Variants in DCAF10 observed in about 807,000 individuals in gnomAD.
DCAF10 encodes the protein DDB1 and CUL4 associated factor 10.
In DCAF10, 19 loss-of-function variants were observed where a neutral mutation model predicts 51.9. The ratio of observed to expected loss-of-function variants is 0.37; its 90% confidence interval spans 0.26 to 0.54. The LOEUF is 0.54. DCAF10 is among the 20% of genes least tolerant of loss of function. DCAF10 has a pLI of 0.87. For missense variants in DCAF10, 510 were observed against 730.6 expected (o/e 0.70, Z 3.48); for synonymous variants, 291 against 297.1 (o/e 0.98, Z 0.21).
chr9:37,849,760 A>T (rs932217180), intron 3 of DCAF10, among the ~76,000 whole-genome samples: 1 of 151,910 alleles, frequency 6.6e-6, no homozygotes, highest in Non-Finnish European at 1.5e-5. Context: ...GGTGCCTGTA[A>T]TCCCAGCTAC....
chr9:37,857,920 G>A (rs1830899753), intron 5 of DCAF10, among the ~76,000 whole-genome samples: 1 of 152,084 alleles, frequency 6.6e-6, no homozygotes, highest in Admixed American at 6.6e-5. Context: ...AATGGTTTCT[G>A]CCTATACAAA....
In DCAF10 at chr9:37,846,398, C is replaced by T. The variant is rs115698996; in HGVS notation, c.851+4112C>T. ...CTTTATGGCAACAAATTAGGCAACA[C>T]AGATGAACAGATAGACACCTAAGGA... On this transcript the variant is annotated intron_variant, in intron 3 of 6. Coordinates refer to ENST00000377724, the MANE Select transcript of DCAF10 (RefSeq NM_024345.5). Among the ~76,000 whole-genome samples the T allele has an allele frequency of 4.9e-3, 744 of 152,248 alleles. 4 individuals are homozygous for T. The highest frequency in any genetic ancestry group is 0.017 in the African/African-American group (706 of 41,544).
At chr9:37,828,459 G>A (rs10973573) in intron 2 of DCAF10, among the ~76,000 whole-genome samples, 27,105 of 149,062 alleles carry the variant, frequency 0.18, 2,652 homozygotes, top group African/African-American at 0.26. Context: ...AAAGAAAAAA[G>A]AAAAGGAAAA....
chr9:37,819,468 T>A, intron 2 of DCAF10, 67 bp downstream of exon 2: 2 of 1,147,748 alleles, frequency 1.7e-6, no homozygotes, highest in South Asian at 1.3e-5. Flanking sequence ...TGGAAGTTAG[T>A]GAAAATGAAA....
chr9:37,808,037 C>A (rs1589074467), intron 1 of DCAF10, among the ~76,000 whole-genome samples: 3 of 152,078 alleles, frequency 2.0e-5, no homozygotes, highest in Admixed American at 2.0e-4. Context: ...TTCAAACACA[C>A]AAGGAACAGT....
At chr9:37,838,315 G>GT (rs1279748135) in intron 2 of DCAF10, among the ~76,000 whole-genome samples, 2 of 151,962 alleles carry the variant, frequency 1.3e-5, no homozygotes, top group African/African-American at 4.8e-5. Flanking sequence ...TTAGGAGAAA[G>GT]TTTTTTTAAA....
chr9:37,862,035 ATGTT>A lies in DCAF10; in HGVS notation c.*529_*532del, dbSNP rs1424981591. ...TACTTGGCCTTTTAAAGTTACTGTT[ATGTT>A]TATCTATATTGAGCACAGATAATGG... is the stretch of plus-strand genomic sequence containing the variant. On this transcript the variant is annotated 3_prime_UTR_variant, in exon 7 of 7. Transcript: ENST00000377724. The A allele has an allele frequency of 6.5e-6, 1 of 154,158 alleles. No homozygotes were observed. The highest frequency in any genetic ancestry group is 2.4e-5 in the African/African-American group (1 of 41,464). 9.5% of individuals were successfully genotyped at this position (154,158 alleles called of 1,614,324 possible). A position where few individuals can be genotyped will look rare whatever the true frequency, so the allele number is the denominator to read the frequency against.
At chr9:37,808,686 AATAT>A (rs1165415414) in intron 1 of DCAF10, among the ~76,000 whole-genome samples, 19 of 104,400 alleles carry the variant, frequency 1.8e-4, no homozygotes, top group African/African-American at 7.6e-4. Context: ...ATAAAATATA[AATAT>A]ATATTTATAT....
At chr9:37,840,683 T>G (rs2118032430) in intron 2 of DCAF10, among the ~76,000 whole-genome samples, 1 of 152,238 alleles carries the variant, frequency 6.6e-6, no homozygotes, top group South Asian at 2.1e-4. Context: ...TTAAATTAAT[T>G]TAGTGTAGCC....
At chr9:37,860,520 A>C (rs911615958) in intron 6 of DCAF10, 5 of 226,438 alleles carry the variant, frequency 2.2e-5, no homozygotes, top group Admixed American at 5.2e-5. Flanking sequence ...AACAAACAAA[A>C]ACCCCTTGTA....
chr9:37,856,911 C>T (rs985177315), intron 4 of DCAF10, among the ~76,000 whole-genome samples: 1 of 152,146 alleles, frequency 6.6e-6, no homozygotes, highest in African/African-American at 2.4e-5. Context: ...TAACATAAAA[C>T]AATAGGCTTA....
intron 1 of DCAF10, among the ~76,000 whole-genome samples, chr9:37,808,919 C>T (rs902875382): frequency 6.8e-6 from 1 of 148,116 alleles, no homozygotes; most frequent in Admixed American, 6.9e-5. Context: ...TCAAGACCAG[C>T]CTGGGCAAGG....
chr9:37,844,673 C>T (rs1830429461), intron 3 of DCAF10, among the ~76,000 whole-genome samples: 1 of 151,670 alleles, frequency 6.6e-6, no homozygotes, highest in Admixed American at 6.6e-5. Flanking sequence ...ACAGCAACAA[C>T]AAAAATAAAT....
At chr9:37,814,083 T>TATATATATATAA (rs1829439331) in intron 1 of DCAF10, among the ~76,000 whole-genome samples, 1 of 34,846 alleles carries the variant, frequency 2.9e-5, no homozygotes, top group Non-Finnish European at 5.4e-5. Flanking sequence ...TTTGTCACTA[T>TATATATATATAA]ATATATATAT....
intron 1 of DCAF10, among the ~76,000 whole-genome samples, 156 bp from the exon 2 acceptor site, chr9:37,819,132 A>C (rs760504657): frequency 1.3e-5 from 2 of 152,196 alleles, no homozygotes; most frequent in Non-Finnish European, 2.9e-5. Flanking sequence ...TACTCTTGCC[A>C]ACCACAGATA....
At chr9:37,819,808 T>C (rs1040777153) in intron 2 of DCAF10, among the ~76,000 whole-genome samples, 1 of 152,200 alleles carries the variant, frequency 6.6e-6, no homozygotes, top group African/African-American at 2.4e-5. Flanking sequence ...AAAAAGTACA[T>C]GCACAGACAA....
rs141786003 is a variant in DCAF10 at position 37,829,108 on chromosome 9, A to G, written c.653+9707A>G. 1.3e-5 allele frequency among the ~76,000 whole-genome samples: 2 copies of G among 152,362 alleles called. No individual in the cohort carries two copies. Among genetic ancestry groups the G allele is most frequent in the African/African-American group, 4.8e-5 (2 of 41,590 alleles). On this transcript the variant is annotated intron_variant, in intron 2 of 6. Coordinates refer to ENST00000377724, the MANE Select transcript of DCAF10 (RefSeq NM_024345.5). This position sits in a 1 kb window ranked among gnomAD's most constrained non-coding sequence, Gnocchi z 4.2. ...TACATAACCAGAAAAGTATTAGTAT[A>G]TAAGATAATAGCCCTTTAGCAAAAG...
intron 3 of DCAF10, 42 bp downstream of exon 3, chr9:37,842,328 A>AT (rs748939260): frequency 1.2e-5 from 18 of 1,561,614 alleles, no homozygotes; most frequent in South Asian, 2.4e-5. Context: ...GAACAAAAAC[A>AT]TTTTTTTTAA....
At chr9:37,841,743 T>A (rs796469929) in intron 2 of DCAF10, among the ~76,000 whole-genome samples, 4 of 152,310 alleles carry the variant, frequency 2.6e-5, no homozygotes, top group African/African-American at 7.2e-5. Context: ...GCCTATTAAA[T>A]TCTCTCTCAT....
Sources: allele counts gnomAD v4.1 joint callset (sites outside exome capture counted in the v4.1 genomes callset), GRCh38; gene constraint gnomAD v4.1.1; non-coding constraint Gnocchi (gnomAD v3.1); transcripts MANE v1.5; gene names NCBI Gene and HGNC (gene_info 2026-07-23, HGNC 2026-07-21).